BMAL1: variants seen among roughly 807,000 people sequenced by gnomAD.
BMAL1 encodes the protein basic helix-loop-helix ARNT like 1.
At chr11:13,312,258 T>C in the BMAL1 span, among the ~76,000 whole-genome samples, 1 of 152,186 alleles carries the variant, frequency 6.6e-6, no homozygotes. Flanking sequence ...AAATAAGTCA[T>C]AGATGAGTAA....
the BMAL1 span, among the ~76,000 whole-genome samples, chr11:13,326,693 A>ATT: frequency 4.1e-5 from 6 of 145,430 alleles, no homozygotes; most frequent in Admixed American, 2.9e-4. Context: ...AAGATAATAT[A>ATT]TAGAGAGATA....
chr11:13,361,128 C>G, the BMAL1 span, among the ~76,000 whole-genome samples: 200 of 152,196 alleles, frequency 1.3e-3, no homozygotes, highest in African/African-American at 4.6e-3. Context: ...CTTACAAAGA[C>G]TAGTGGTCCA....
At chr11:13,356,319 A>G in the BMAL1 span, 1 of 465,080 alleles carries the variant, frequency 2.2e-6, no homozygotes, top group Non-Finnish European at 4.3e-6. Flanking sequence ...ATGCACATTT[A>G]TCTTTGATGC....
chr11:13,331,952 G>A, the BMAL1 span, among the ~76,000 whole-genome samples: 2 of 152,202 alleles, frequency 1.3e-5, no homozygotes, highest in Non-Finnish European at 2.9e-5. Context: ...CGAAGAGGCC[G>A]GGCGGGGTTG....
the BMAL1 span, among the ~76,000 whole-genome samples, chr11:13,284,140 A>G: frequency 0.13 from 6,467 of 49,354 alleles, 814 homozygotes; most frequent in African/African-American, 0.24. Context: ...ATATATATAT[A>G]TATGTGTATA....
chr11:13,307,073 T>A, the BMAL1 span, among the ~76,000 whole-genome samples: 2 of 152,194 alleles, frequency 1.3e-5, no homozygotes, highest in Admixed American at 6.5e-5. Context: ...AGTGGAGAGT[T>A]CTAATCTAGG....
At chr11:13,355,405 C>T in the BMAL1 span, 79 of 1,078,894 alleles carry the variant, frequency 7.3e-5, 1 homozygote, top group African/African-American at 2.8e-4. Flanking sequence ...AGAAAGACTG[C>T]GAGATGTTGG....
the BMAL1 span, among the ~76,000 whole-genome samples, chr11:13,305,281 T>G: frequency 3.3e-5 from 5 of 152,212 alleles, no homozygotes; most frequent in African/African-American, 1.2e-4. Context: ...CCTGCCCTCA[T>G]GGCACAGATG....
chr11:13,331,955 C>T, the BMAL1 span, among the ~76,000 whole-genome samples: 3 of 151,548 alleles, frequency 2.0e-5, no homozygotes, highest in African/African-American at 2.4e-5. Flanking sequence ...AGAGGCCGGG[C>T]GGGGTTGGTC....
chr11:13,366,588 CTG>C, the BMAL1 span: 3 of 1,262,054 alleles, frequency 2.4e-6, no homozygotes, highest in Non-Finnish European at 3.4e-6. Flanking sequence ...AACATGCAGA[CTG>C]TGCATGCTTA....
the BMAL1 span, among the ~76,000 whole-genome samples, chr11:13,362,056 G>T: frequency 6.6e-6 from 1 of 152,180 alleles, no homozygotes; most frequent in South Asian, 2.1e-4. Flanking sequence ...AAGAGAGAAG[G>T]GGCCTGGGAA....
the BMAL1 span, among the ~76,000 whole-genome samples, chr11:13,295,431 A>G: frequency 6.6e-6 from 1 of 152,158 alleles, no homozygotes; most frequent in Admixed American, 6.5e-5. Context: ...CTGTTTGTCG[A>G]GAAGTGGGAG....
chr11:13,343,779 T>C, the BMAL1 span, among the ~76,000 whole-genome samples: 694 of 152,320 alleles, frequency 4.6e-3, 3 homozygotes, highest in African/African-American at 0.016. Flanking sequence ...AGTAGCTGTC[T>C]GGGAGACTGG....
the BMAL1 span, chr11:13,356,772 T>C: frequency 1.4e-3 from 2,294 of 1,614,178 alleles, 46 homozygotes; most frequent in Admixed American, 0.033. Context: ...ATGACCCTCA[T>C]GGAAGGTACC....
At chr11:13,326,296 A>G in the BMAL1 span, 1 of 152,018 alleles carries the variant, frequency 6.6e-6, no homozygotes, top group African/African-American at 2.4e-5. Context: ...GCCTCATCCC[A>G]GTCTTTTAAG....
chr11:13,330,218 G>A, the BMAL1 span, among the ~76,000 whole-genome samples: 6 of 152,208 alleles, frequency 3.9e-5, no homozygotes, highest in East Asian at 1.9e-4. Context: ...CTAGATGGCC[G>A]CCTTTCAAGT....
chr11:13,284,301 A>T, the BMAL1 span, among the ~76,000 whole-genome samples: 1 of 144,384 alleles, frequency 6.9e-6, no homozygotes, highest in Admixed American at 7.0e-5. Flanking sequence ...CCCCAAATAC[A>T]TTTAGATAGT....
chr11:13,367,409 T>A, the BMAL1 span, among the ~76,000 whole-genome samples: 2 of 152,102 alleles, frequency 1.3e-5, no homozygotes, highest in African/African-American at 4.8e-5. Flanking sequence ...AATGAGAGAA[T>A]GAGGACTCTG....
chr11:13,285,561 A>G, the BMAL1 span, among the ~76,000 whole-genome samples: 25 of 152,186 alleles, frequency 1.6e-4, no homozygotes, highest in Admixed American at 1.6e-3. Context: ...TAGCTTCAGA[A>G]AGATCTGGGG....
Sources: allele counts gnomAD v4.1 joint callset (sites outside exome capture counted in the v4.1 genomes callset), GRCh38; gene constraint gnomAD v4.1.1; transcripts MANE v1.5; gene names NCBI Gene and HGNC (gene_info 2026-07-23, HGNC 2026-07-21).